The following EIF2AK4 variants were observed in gnomAD, a reference collection of about 807,000 sequenced individuals.
The protein encoded by EIF2AK4 is eukaryotic translation initiation factor 2 alpha kinase 4.
In EIF2AK4, 139 loss-of-function variants were observed where a neutral mutation model predicts 211.1. That is an observed-to-expected ratio of 0.66 (90% CI 0.57 to 0.76). The LOEUF (loss-of-function observed/expected upper bound fraction) is 0.76, where lower values mean the gene tolerates loss of function less well. Ranked by LOEUF, EIF2AK4 falls within the 30% of genes least tolerant of loss-of-function variation. The probability of loss-of-function intolerance (pLI) is 0.00; values close to 1 mark genes in which losing one functional copy is unlikely to be tolerated. For synonymous variants in EIF2AK4, 710 were observed against 751.3 expected (o/e 0.94, Z 0.90); for missense variants, 1,664 against 2,043.8 (o/e 0.81, Z 3.58).
intron 30 of EIF2AK4, 158 bp from the exon 31 acceptor site, chr15:40,020,741 A>G (rs2035375393): frequency 4.2e-6 from 2 of 471,446 alleles, no homozygotes; most frequent in Admixed American, 4.2e-5. Flanking sequence ...TTTTTTTACA[A>G]TGTGTTTTGA....
Position 39,967,856 on chromosome 15 carries a change from T to C in EIF2AK4, c.1530T>C (p.Ala510=). The part of the protein sequence containing the change: ...YPVTIPSDLP[A]DFQDFLKKCV... ...TGACCATCCCTAGTGACTTACCAGC[T>C]GACTTTCAAGATTTTCTAAAGAAGT... is the stretch of plus-strand genomic sequence containing the variant. Residue 510 remains alanine (A), a synonymous_variant, in exon 9 of 39, where the codon GCT becomes GCC. Coordinates refer to ENST00000263791, the MANE Select transcript of EIF2AK4 (RefSeq NM_001013703.4). 1 of 1,613,876 alleles carries C rather than the reference T, an allele frequency of 6.2e-7. No individual in the cohort carries two copies. Among genetic ancestry groups the C allele is most frequent in the Non-Finnish European group, 8.5e-7 (1 of 1,179,736 alleles).
chr15:39,972,794 C>T (rs554743641), intron 9 of EIF2AK4, 114 bp from the exon 10 acceptor site: 2 of 753,984 alleles, frequency 2.7e-6, no homozygotes, highest in Admixed American at 2.6e-5. Flanking sequence ...CTTTGAGTAA[C>T]ATGAATTCTA....
intron 26 of EIF2AK4, 86 bp downstream of exon 26, chr15:40,009,816 C>A: frequency 1.0e-6 from 1 of 978,450 alleles, no homozygotes; most frequent in South Asian, 1.5e-5. Flanking sequence ...TTTTCTTACC[C>A]ATGCAGCCAT....
intron 9 of EIF2AK4, among the ~76,000 whole-genome samples, chr15:39,968,363 C>A (rs1472849000): frequency 2.0e-5 from 3 of 152,202 alleles, no homozygotes; most frequent in African/African-American, 7.2e-5. Flanking sequence ...AGAGGAGTTT[C>A]AATACCTGTA....
At chr15:39,967,295 T>C (rs1280611181) in intron 8 of EIF2AK4, 49 bp from the exon 9 acceptor site, 2 of 1,506,060 alleles carry the variant, frequency 1.3e-6, no homozygotes, top group African/African-American at 1.4e-5. Flanking sequence ...GAAACCCAAG[T>C]TAATGTTGAC....
At chr15:39,981,955 T>C (rs1349241483) in intron 13 of EIF2AK4, among the ~76,000 whole-genome samples, 4 of 136,844 alleles carry the variant, frequency 2.9e-5, no homozygotes, top group Non-Finnish European at 6.3e-5. Context: ...AGACAGAGTC[T>C]CACTCATCGC....
intron 6 of EIF2AK4, among the ~76,000 whole-genome samples, chr15:39,959,638 CA>C (rs1291927628): frequency 6.6e-6 from 1 of 152,184 alleles, no homozygotes; most frequent in Non-Finnish European, 1.5e-5. Context: ...AACTTAAGAA[CA>C]GAAAGATGGC....
rs189498985 is a variant in EIF2AK4, at chr15:40,002,762, C to A, written c.3209C>A (p.Thr1070Asn). 1.2e-6 allele frequency: 2 copies of A among 1,614,068 alleles called. No homozygotes were observed. Among genetic ancestry groups the A allele is most frequent in the African/African-American group, 1.3e-5 (1 of 74,934 alleles). The change falls in exon 22 of 39, where the codon ACC (threonine) becomes AAC (asparagine). Residue 1070 changes from threonine (T) to asparagine (N), a missense_variant. Physicochemically the swap from Thr to Asn is moderately conservative, Grantham distance 65. Transcript: ENST00000263791. The stretch of plus-strand genomic sequence containing the variant: ...AAGATGCAGCAGCATGTGTGTGAAA[C>A]CATCATCCGCATCTTTAAAAGACAT... The part of the protein sequence containing the change: ...TAKMQQHVCE[T>N]IIRIFKRHGA...
intron 32 of EIF2AK4, among the ~76,000 whole-genome samples, chr15:40,023,483 T>C (rs1016875323): frequency 6.6e-6 from 1 of 152,232 alleles, no homozygotes; most frequent in Non-Finnish European, 1.5e-5. Context: ...TTTCTATATA[T>C]AGAGCTATTC....
Position 40,032,282 on chromosome 15 carries a change from C to T in EIF2AK4, c.4728+45C>T, listed in dbSNP as rs2035554412. ...ATTTTGAAGGTGGCTTCTGTCCATA[C>T]TGTCAAAGTAGTTGCCTCAGGGTTC... On this transcript the variant is annotated intron_variant, in intron 36 of 38. Coordinates refer to ENST00000263791, the MANE Select transcript of EIF2AK4 (RefSeq NM_001013703.4). The T allele has an allele frequency of 1.9e-6, 3 of 1,561,402 alleles. No individual in the cohort carries two copies. In the African/African-American group the frequency reaches 4.1e-5, roughly 21 times the overall value.
At chr15:39,983,704 A>G (rs1243126869) in intron 13 of EIF2AK4, among the ~76,000 whole-genome samples, 3 of 152,142 alleles carry the variant, frequency 2.0e-5, no homozygotes, top group Non-Finnish European at 4.4e-5. Context: ...GGCCTTCCAC[A>G]TTGCTGGGAT....
chr15:39,963,947 C>T (rs189995415), intron 7 of EIF2AK4, among the ~76,000 whole-genome samples: 8 of 152,266 alleles, frequency 5.3e-5, no homozygotes, highest in African/African-American at 1.2e-4. Flanking sequence ...ATGTAAATAA[C>T]GTCTTACTCC....
rs1305078967 is a variant in EIF2AK4 at position 39,997,072 on chromosome 15, A to G, written c.2868+7A>G. On this transcript the variant is annotated splice_region_variant and intron_variant, in intron 19 of 38. Coordinates refer to ENST00000263791, the MANE Select transcript of EIF2AK4 (RefSeq NM_001013703.4). Reference sequence around the variant, plus strand: ...TCTCAACCAACTCAGAGATGTATGTATCAGGTGTTTTAGTGCCTACATTTT... The same window carrying G: ...TCTCAACCAACTCAGAGATGTATGTGTCAGGTGTTTTAGTGCCTACATTTT... 1.2e-6 allele frequency: 2 copies of G among 1,600,376 alleles called. No individual in the cohort carries two copies. The highest frequency in any genetic ancestry group is 1.7e-6 in the Non-Finnish European group (2 of 1,167,702).
chr15:39,993,268 T>C (rs1422316685), intron 18 of EIF2AK4, among the ~76,000 whole-genome samples: 1 of 152,170 alleles, frequency 6.6e-6, no homozygotes. Context: ...AACCAACCCC[T>C]ATCTTGGGCA....
Position 39,934,278 on chromosome 15 carries a change from A to C in EIF2AK4, c.83A>C (p.Gln28Pro). The part of the protein sequence containing the change: ...SYPQRQDHEL[Q>P]ALEAIYGADF... ...CCGCAACGACAGGACCACGAGCTAC[A>C]GGCCCTGGAGGCCATTTACGGCGCG... Residue 28 changes from glutamine to proline, a missense_variant, in exon 1 of 39, where the codon CAG (glutamine) becomes CCG (proline). By Grantham distance (76) the Gln-to-Pro change is moderately conservative. This residue lies in a region of EIF2AK4 where 641 missense variants were observed against 729.6 expected (regional missense o/e 0.88). Transcript: ENST00000263791. 6.2e-7 allele frequency: 1 copy of C among 1,611,766 alleles called. No individual in the cohort carries two copies. Among genetic ancestry groups the C allele is most frequent in the South Asian group, 1.1e-5 (1 of 90,696 alleles).
At chr15:39,960,307 AAC>A (rs2034453067) in intron 6 of EIF2AK4, among the ~76,000 whole-genome samples, 1 of 152,104 alleles carries the variant, frequency 6.6e-6, no homozygotes, top group South Asian at 2.1e-4. Context: ...ACCAGATAAT[AAC>A]AGAGTATTGC....
At chr15:40,003,527 T>C (rs1474120017) in intron 23 of EIF2AK4, among the ~76,000 whole-genome samples, 2 of 152,232 alleles carry the variant, frequency 1.3e-5, no homozygotes, top group Middle Eastern at 3.2e-3. Flanking sequence ...CAGGTGTTTA[T>C]GGCTCTAGGA....
Position 39,997,068 on chromosome 15 carries a change from A to G in EIF2AK4, c.2868+3A>G, listed in dbSNP as rs1459354069. 1.2e-6 allele frequency: 2 copies of G among 1,604,288 alleles called. No individual in the cohort carries two copies. Among genetic ancestry groups the G allele is most frequent in the Non-Finnish European group, 1.7e-6 (2 of 1,171,152 alleles). ...TTGTTCTCAACCAACTCAGAGATGT[A>G]TGTATCAGGTGTTTTAGTGCCTACA... On this transcript the variant is annotated splice_donor_region_variant and intron_variant, in intron 19 of 38. Coordinates refer to ENST00000263791, the MANE Select transcript of EIF2AK4 (RefSeq NM_001013703.4).
intron 23 of EIF2AK4, among the ~76,000 whole-genome samples, chr15:40,003,843 A>G (rs1462498252): frequency 6.6e-6 from 1 of 152,240 alleles, no homozygotes; most frequent in Non-Finnish European, 1.5e-5. Flanking sequence ...TTGGCTACTA[A>G]CAAGCTATCT....
Sources: allele counts gnomAD v4.1 joint callset (sites outside exome capture counted in the v4.1 genomes callset), GRCh38; gene constraint gnomAD v4.1.1; regional missense constraint gnomAD v4.1.1; transcripts MANE v1.5; gene names NCBI Gene and HGNC (gene_info 2026-07-23, HGNC 2026-07-21).